EDDM3A: variants seen among roughly 807,000 people sequenced by gnomAD.
The protein encoded by EDDM3A is epididymal secretory protein E3-alpha.
For missense variants in EDDM3A, 199 were observed against 177.4 expected (o/e 1.12, Z -0.69); for synonymous variants, 75 against 60.4 (o/e 1.24, Z -1.12).
At chr14:20,737,626 A>G in the EDDM3A span, among the ~76,000 whole-genome samples, 6 of 152,342 alleles carry the variant, frequency 3.9e-5, no homozygotes, top group Non-Finnish European at 5.9e-5. Context: ...AGATATTAGC[A>G]CAAATGATTT....
the EDDM3A span, among the ~76,000 whole-genome samples, chr14:20,740,738 C>T: frequency 7.2e-5 from 10 of 139,830 alleles, no homozygotes; most frequent in Non-Finnish European, 1.0e-4. Flanking sequence ...GGTGCAATCT[C>T]GGCTCACTGC....
the EDDM3A span, among the ~76,000 whole-genome samples, chr14:20,740,310 G>A: frequency 1.9e-4 from 29 of 152,332 alleles, 1 homozygote; most frequent in South Asian, 6.0e-3. Flanking sequence ...TTTGTCCATG[G>A]TTCGATACTC....
At chr14:20,739,898 G>A in the EDDM3A span, among the ~76,000 whole-genome samples, 4 of 152,186 alleles carry the variant, frequency 2.6e-5, no homozygotes, top group South Asian at 2.1e-4. Flanking sequence ...AACAAGAATC[G>A]TGGGTCTTTT....
At chr14:20,739,361 C>A in the EDDM3A span, among the ~76,000 whole-genome samples, 57 of 152,334 alleles carry the variant, frequency 3.7e-4, no homozygotes, top group African/African-American at 1.3e-3. Flanking sequence ...TAAGCTCTAG[C>A]TTTCCTGATA....
At chr14:20,740,085 G>C in the EDDM3A span, among the ~76,000 whole-genome samples, 1 of 152,136 alleles carries the variant, frequency 6.6e-6, no homozygotes, top group Non-Finnish European at 1.5e-5. Flanking sequence ...CACTTCAGCC[G>C]CTGTCCAGAC....
At chr14:20,740,421 G>A in the EDDM3A span, among the ~76,000 whole-genome samples, 7,098 of 152,258 alleles carry the variant, frequency 0.047, 562 homozygotes, top group African/African-American at 0.16. Flanking sequence ...CAGGGGAGAA[G>A]GGGTTTCCAG....
chr14:20,747,649 A>C lies in EDDM3A; in HGVS notation c.69A>C (p.Val23=), dbSNP rs201725458. ...TTTGCATCCTTTGCAGGCTGTGTGT[A>C]TACAGTAACAACATTTACTGGAGAG... ...ALLCILCRLC[V]YSNNIYWREF... Residue 23 remains valine (V), a synonymous_variant, in exon 2 of 2, where the codon GTA becomes GTC. Transcript: ENST00000326842. The C allele has an allele frequency of 1.3e-4, 203 of 1,614,020 alleles. No homozygotes were observed. The highest frequency in any genetic ancestry group is 3.3e-4 in the Middle Eastern group (2 of 6,084).
chr14:20,744,684 C>A (rs1378184415), upstream of EDDM3A, among the ~76,000 whole-genome samples: 2 of 152,180 alleles, frequency 1.3e-5, no homozygotes, highest in Admixed American at 1.3e-4. Context: ...TTAGCCAGCA[C>A]CTTGTGACCT....
In EDDM3A at chr14:20,746,100, A is replaced by T. The variant is rs976767011; in HGVS notation, c.-27+108A>T. 2.0e-5 allele frequency: 3 copies of T among 152,234 alleles called. No individual in the cohort carries two copies. The East Asian group carries it at 5.8e-4, about 29-fold the overall frequency. The allele number at this position is 152,234 out of a possible 1,614,324, so 9.4% of individuals were successfully genotyped here. On this transcript the variant is annotated intron_variant, in intron 1 of 1. Coordinates refer to ENST00000326842, the MANE Select transcript of EDDM3A (RefSeq NM_006683.5). ...ATGGAGAAGGATCCAAATCATGGAA[A>T]ACAAAGGTCTGAATTCTGGTTAGCC...
At chr14:20,743,861 T>C (rs1263110321), upstream of EDDM3A, among the ~76,000 whole-genome samples, 1 of 152,204 alleles carries the variant, frequency 6.6e-6, no homozygotes, top group African/African-American at 2.4e-5. Context: ...GGCCTCCTAA[T>C]TGGGTTTATA....
At chr14:20,745,342 C>T (rs779611576), upstream of EDDM3A, among the ~76,000 whole-genome samples, 3 of 151,600 alleles carry the variant, frequency 2.0e-5, no homozygotes, top group Non-Finnish European at 2.9e-5. Context: ...CTGGCTAACA[C>T]GGTGAAACCC....
At chr14:20,736,705 T>C in the EDDM3A span, among the ~76,000 whole-genome samples, 3 of 152,178 alleles carry the variant, frequency 2.0e-5, no homozygotes, top group Admixed American at 1.3e-4. Flanking sequence ...GGATTTCTTT[T>C]ATTTTTTATT....
chr14:20,740,668 TTTGC>T, the EDDM3A span, among the ~76,000 whole-genome samples: 7,051 of 152,166 alleles, frequency 0.046, 559 homozygotes, highest in African/African-American at 0.16. Flanking sequence ...GTTTTGTTTG[TTTGC>T]TTGTTTGCTT....
chr14:20,738,354 C>T, the EDDM3A span, among the ~76,000 whole-genome samples: 3 of 151,978 alleles, frequency 2.0e-5, no homozygotes, highest in African/African-American at 7.3e-5. Context: ...GTCTGTAGTC[C>T]CAGCTACTCG....
intron 1 of EDDM3A, among the ~76,000 whole-genome samples, chr14:20,746,837 C>T (rs1594239047): frequency 1.3e-5 from 2 of 152,328 alleles, no homozygotes; most frequent in East Asian, 3.9e-4. Flanking sequence ...AGTAGTTACT[C>T]ATCTTCTACA....
At chr14:20,741,852 C>G (rs28409454), upstream of EDDM3A, among the ~76,000 whole-genome samples, 5,074 of 151,924 alleles carry the variant, frequency 0.033, 263 homozygotes, top group African/African-American at 0.12. Context: ...TAGTAGATAC[C>G]AGTGCCACCT....
chr14:20,744,703 C>T (rs934693918), upstream of EDDM3A, among the ~76,000 whole-genome samples: 2 of 152,202 alleles, frequency 1.3e-5, no homozygotes, highest in African/African-American at 2.4e-5. Flanking sequence ...CTATACTTCA[C>T]AGTCAGATGT....
chr14:20,741,508 C>T (rs1016875459), upstream of EDDM3A, among the ~76,000 whole-genome samples: 1 of 152,140 alleles, frequency 6.6e-6, no homozygotes, highest in Non-Finnish European at 1.5e-5. Context: ...GGCACGGACC[C>T]ACCATAGGAG....
At chr14:20,741,749 C>T (rs1888564), upstream of EDDM3A, among the ~76,000 whole-genome samples, 69,830 of 151,852 alleles carry the variant, frequency 0.46, 16,117 homozygotes, top group Non-Finnish European at 0.47. Context: ...TGATGGGGCC[C>T]GAGGGCAGCC....
Sources: gnomAD v4.1 joint callset for allele counts (sites outside exome capture counted in the v4.1 genomes callset) on GRCh38, gnomAD v4.1.1 for gene constraint, MANE v1.5 for transcripts, NCBI Gene and HGNC (gene_info 2026-07-23, HGNC 2026-07-21) for gene names.